The following SPIRE1 variants were observed in gnomAD, a reference collection of about 807,000 sequenced individuals.
SPIRE1 encodes spire type actin nucleation factor 1.
Under a neutral mutation model 94.1 loss-of-function variants are expected in SPIRE1, and 40 were observed. That is an observed-to-expected ratio of 0.43 (90% CI 0.33 to 0.55). SPIRE1 has a LOEUF of 0.55. SPIRE1 is among the 20% of genes least tolerant of loss of function. The pLI, the probability that SPIRE1 is intolerant of heterozygous loss-of-function variation, is 0.06. For missense variants in SPIRE1, 838 were observed against 975.2 expected (o/e 0.86, Z 1.87); for synonymous variants, 376 against 371.7 (o/e 1.01, Z -0.13).
At chr18:12,530,079 T>C (rs944064280) in intron 4 of SPIRE1, among the ~76,000 whole-genome samples, 2 of 152,174 alleles carry the variant, frequency 1.3e-5, no homozygotes, top group Non-Finnish European at 2.9e-5. Context: ...TTAAAAGGCC[T>C]ACAGCATCCT....
intron 6 of SPIRE1, among the ~76,000 whole-genome samples, chr18:12,502,483 T>C (rs2033696845): frequency 6.6e-6 from 1 of 152,112 alleles, no homozygotes; most frequent in Non-Finnish European, 1.5e-5. Context: ...GTACACATTT[T>C]TGAGAAAGAT....
In SPIRE1 at chr18:12,447,746, G is replaced by A. The variant is rs2031011968; in HGVS notation, c.*1892C>T. The A allele has an allele frequency of 6.6e-6, 1 of 152,082 alleles. No individual in the cohort carries two copies. The highest frequency in any genetic ancestry group is 2.4e-5 in the African/African-American group (1 of 41,410). 9.4% of individuals were successfully genotyped at this position (152,082 alleles called of 1,614,324 possible). A position where few individuals can be genotyped will look rare whatever the true frequency, so the allele number is the denominator to read the frequency against. The stretch of plus-strand genomic sequence containing the variant: ...AATGTGAATGAAAGTCTTATTTTGG[G>A]GGTGTAGTTTCTTATGTTTTAATAA... On this transcript the variant is annotated 3_prime_UTR_variant, in exon 17 of 17. Transcript: ENST00000409402.
At chr18:12,540,932 T>C (rs2034996792) in intron 3 of SPIRE1, among the ~76,000 whole-genome samples, 1 of 152,182 alleles carries the variant, frequency 6.6e-6, no homozygotes, top group Non-Finnish European at 1.5e-5. Flanking sequence ...GAATCACCCC[T>C]TTGTGCAGCA....
chr18:12,615,345 A>AAAAAAATATATAT, intron 2 of SPIRE1, among the ~76,000 whole-genome samples: 10 of 17,236 alleles, frequency 5.8e-4, no homozygotes, highest in Admixed American at 1.2e-3. Flanking sequence ...AAAAAAAAAA[A>AAAAAAATATATAT]ATATATATAT....
At chr18:12,526,321 T>C (rs1269411788) in intron 4 of SPIRE1, among the ~76,000 whole-genome samples, 1 of 152,270 alleles carries the variant, frequency 6.6e-6, no homozygotes, top group African/African-American at 2.4e-5. Flanking sequence ...TGGAACACAT[T>C]TTCCATCCAC....
chr18:12,493,158 C>G lies in SPIRE1; in HGVS notation c.1103G>C (p.Ser368Thr). 6 of 1,613,726 alleles carry G rather than the reference C, an allele frequency of 3.7e-6. No individual in the cohort carries two copies. The highest frequency in any genetic ancestry group is 5.1e-6 in the Non-Finnish European group (6 of 1,179,960). The change falls in exon 8 of 17, where the codon AGC becomes ACC. Residue 368 changes from serine (S) to threonine (T), a missense_variant. Physicochemically the swap from Ser to Thr is moderately conservative, Grantham distance 58. This residue lies in a region of SPIRE1 where 645 missense variants were observed against 804.7 expected (regional missense o/e 0.80). Coordinates refer to ENST00000409402, the MANE Select transcript of SPIRE1 (RefSeq NM_001128626.2). ...KLKPTPPRPR[S>T]LHERILEEIK... is the part of the protein sequence containing the mutation. ...TTCTTCTAATATTCTTTCATGGAGG[C>G]TCCGTGGCCGTGGTGGAGTTGGTTT...
intron 12 of SPIRE1, 83 bp from the exon 13 acceptor site, chr18:12,454,566 G>C (rs905704935): frequency 1.6e-6 from 2 of 1,281,516 alleles, no homozygotes; most frequent in African/African-American, 1.5e-5. Flanking sequence ...TCAGACCCCT[G>C]ATTAGTAGCT....
At chr18:12,539,991 G>A (rs1000484860) in intron 3 of SPIRE1, among the ~76,000 whole-genome samples, 2 of 151,754 alleles carry the variant, frequency 1.3e-5, no homozygotes, top group Non-Finnish European at 2.9e-5. Context: ...AGAAAATGAG[G>A]CCAGTGGTGG....
chr18:12,588,236 T>A (rs1162487866), intron 2 of SPIRE1: 2 of 152,518 alleles, frequency 1.3e-5, no homozygotes, highest in East Asian at 3.8e-4. Context: ...TATTTAGTTG[T>A]TTCTAAATTG....
Position 12,546,655 on chromosome 18 carries a change from G to A in SPIRE1, c.603+19C>T, listed in dbSNP as rs766540562. The A allele has an allele frequency of 4.5e-6, 7 of 1,548,594 alleles. No homozygotes were observed. The highest frequency in any genetic ancestry group is 6.2e-6 in the Non-Finnish European group (7 of 1,120,822). On this transcript the variant is annotated intron_variant, in intron 3 of 16. Transcript: ENST00000409402. ...ACAACTCTTGAAAAAAACAAGTACT[G>A]CATAAAACGCTGCCTTACCTTCATG...
intron 2 of SPIRE1, among the ~76,000 whole-genome samples, chr18:12,551,113 T>C (rs1383817583): frequency 6.6e-6 from 1 of 152,242 alleles, no homozygotes; most frequent in Non-Finnish European, 1.5e-5. Context: ...AATACTTCCA[T>C]GTGAATAAGT....
chr18:12,493,288 C>A (rs548888924), intron 7 of SPIRE1, 87 bp from the exon 8 acceptor site: 1 of 1,227,404 alleles, frequency 8.1e-7, no homozygotes, highest in African/African-American at 1.5e-5. Flanking sequence ...TTATAAATTA[C>A]ATTTCATTGA....
At chr18:12,626,677 C>G (rs1259629192) in intron 2 of SPIRE1, among the ~76,000 whole-genome samples, 1 of 132,680 alleles carries the variant, frequency 7.5e-6, no homozygotes, top group Non-Finnish European at 1.7e-5. Flanking sequence ...AAAGAAAAGA[C>G]AAATATATGA....
chr18:12,552,676 T>C (rs560495863), intron 2 of SPIRE1, among the ~76,000 whole-genome samples: 8 of 152,236 alleles, frequency 5.3e-5, no homozygotes, highest in African/African-American at 1.9e-4. Flanking sequence ...TGTTCCGTTC[T>C]AATTACCAGT....
At chr18:12,468,628 A>T (rs1430978839) in intron 10 of SPIRE1, among the ~76,000 whole-genome samples, 1 of 152,214 alleles carries the variant, frequency 6.6e-6, no homozygotes, top group East Asian at 1.9e-4. Context: ...TGCCCAAATG[A>T]GCCAGTTCCA....
chr18:12,643,986 G>C (rs1247576833), intron 1 of SPIRE1, among the ~76,000 whole-genome samples: 2 of 148,640 alleles, frequency 1.3e-5, no homozygotes, highest in African/African-American at 5.0e-5. Flanking sequence ...TTGAGGTCAG[G>C]AGTTTGAGAC....
At chr18:12,629,034 C>T (rs987486936) in intron 2 of SPIRE1, among the ~76,000 whole-genome samples, 5 of 152,160 alleles carry the variant, frequency 3.3e-5, no homozygotes, top group African/African-American at 1.2e-4. Context: ...TTTTTACAAA[C>T]CAGTTCTATC....
upstream of SPIRE1, chr18:12,658,715 C>T (rs1374546705): frequency 1.7e-5 from 7 of 422,126 alleles, no homozygotes; most frequent in East Asian, 4.6e-4. Flanking sequence ...CGCGGCCGCT[C>T]TGCGCGTTTT....
intron 2 of SPIRE1, among the ~76,000 whole-genome samples, chr18:12,570,325 A>C (rs563941631): frequency 6.6e-6 from 1 of 152,200 alleles, no homozygotes; most frequent in Non-Finnish European, 1.5e-5. Context: ...TTAAATGTCA[A>C]ATCTGCTGAA....
Sources: gnomAD v4.1 joint callset for allele counts (sites outside exome capture counted in the v4.1 genomes callset) on GRCh38, gnomAD v4.1.1 for gene constraint, gnomAD v4.1.1 regional missense constraint, MANE v1.5 for transcripts, NCBI Gene and HGNC (gene_info 2026-07-23, HGNC 2026-07-21) for gene names.